Variants in PARD3B observed in about 807,000 individuals in gnomAD.
The protein encoded by PARD3B is par-3 family cell polarity regulator beta, also known as partitioning defective 3 homolog B.
Under a neutral mutation model 130.2 loss-of-function variants are expected in PARD3B, and 103 were observed. The ratio of observed to expected loss-of-function variants is 0.79; its 90% CI spans 0.67 to 0.93. The LOEUF (loss-of-function observed/expected upper bound fraction) is 0.93. Among genes scored for constraint, PARD3B ranks in the 40% least tolerant of loss-of-function variants. The pLI, the probability that PARD3B is intolerant of heterozygous loss-of-function variation, is 0.00. For synonymous variants in PARD3B, 583 were observed against 553.2 expected, an observed-to-expected ratio of 1.05 and a Z score of -0.76; for missense variants, 1,609 against 1,499.2, an observed-to-expected ratio of 1.07 and a Z score of -1.21.
intron 1 of PARD3B, among the ~76,000 whole-genome samples, chr2:204,614,908 T>C (rs1314375093): frequency 6.6e-6 from 1 of 152,172 alleles, no homozygotes; most frequent in African/African-American, 2.4e-5. Context: ...ACTCTTTCTT[T>C]ATAAATTATG....
Position 205,300,510 on chromosome 2 carries a change from T to C in PARD3B, c.2186-20T>C. ...CTGCCCCATTAGAAGAGGGGTGACC[T>C]TTTGCCCTTTCTTTTCCAGAATCTC... On this transcript the variant is annotated intron_variant, in intron 16 of 22. Coordinates refer to ENST00000406610, the MANE Select transcript of PARD3B (RefSeq NM_001302769.2). This position sits in a 1 kb window ranked among gnomAD's most constrained non-coding sequence, Gnocchi z 4.1. 1 of 1,595,292 alleles carries C rather than the reference T, an allele frequency of 6.3e-7. No individual in the cohort carries two copies. The highest frequency in any genetic ancestry group is 2.2e-5 in the East Asian group (1 of 44,768).
chr2:205,442,601 A>G (rs2047758835), intron 20 of PARD3B, among the ~76,000 whole-genome samples: 1 of 152,152 alleles, frequency 6.6e-6, no homozygotes, highest in African/African-American at 2.4e-5. Context: ...GGGCCTGGGA[A>G]GAACGGGTTT....
At chr2:205,246,816 T>C (rs2039592631) in intron 16 of PARD3B, among the ~76,000 whole-genome samples, 2 of 152,256 alleles carry the variant, frequency 1.3e-5, no homozygotes, top group South Asian at 2.1e-4. Context: ...GAAGGGCTGG[T>C]TCACAACTCT....
At chr2:205,383,083 C>CATAG (rs59376156) in intron 18 of PARD3B, among the ~76,000 whole-genome samples, 5,145 of 78,528 alleles carry the variant, frequency 0.066, 129 homozygotes, top group Middle Eastern at 0.088. Context: ...GGAAAGTTTA[C>CATAG]ATAGATAGAT....
intron 2 of PARD3B, among the ~76,000 whole-genome samples, chr2:204,703,909 A>C (rs1371330658): frequency 1.3e-5 from 2 of 152,180 alleles, no homozygotes; most frequent in East Asian, 3.8e-4. Context: ...GGCACCTTAA[A>C]AATTCAAGGA....
chr2:204,782,001 C>T (rs2041849387), intron 2 of PARD3B, among the ~76,000 whole-genome samples: 1 of 151,886 alleles, frequency 6.6e-6, no homozygotes, highest in South Asian at 2.1e-4. Context: ...AGTTTTCAAG[C>T]TAATAATGAT....
intron 18 of PARD3B, among the ~76,000 whole-genome samples, chr2:205,379,770 T>C (rs1476656704): frequency 6.6e-6 from 1 of 151,850 alleles, no homozygotes; most frequent in Admixed American, 6.6e-5. Context: ...ATACTTGTTC[T>C]TAAAAATATA....
chr2:204,581,700 A>T (rs967568057), intron 1 of PARD3B, among the ~76,000 whole-genome samples: 1 of 152,152 alleles, frequency 6.6e-6, no homozygotes. Flanking sequence ...ACTCCATGAA[A>T]TTGCTACCTG....
intron 3 of PARD3B, among the ~76,000 whole-genome samples, chr2:204,977,811 C>CAAAAAAAA (rs35974349): frequency 5.1e-5 from 3 of 59,018 alleles, no homozygotes; most frequent in African/African-American, 6.9e-5. Context: ...GACTCCGGCT[C>CAAAAAAAA]AAAAAAAAAA....
chr2:205,347,617 A>G (rs902795671), intron 18 of PARD3B, among the ~76,000 whole-genome samples: 2 of 152,254 alleles, frequency 1.3e-5, no homozygotes, highest in African/African-American at 4.8e-5. Flanking sequence ...CCCTTTGTAC[A>G]AACAGCATGA....
chr2:204,808,199 A>G (rs1034752344), intron 2 of PARD3B, among the ~76,000 whole-genome samples: 6 of 152,156 alleles, frequency 3.9e-5, no homozygotes, highest in East Asian at 3.9e-4. Flanking sequence ...TTGCATTTCT[A>G]TTCTTTTTTT....
rs948229929 is a variant in PARD3B, at chr2:204,675,870, A to G, written c.121-10311A>G. Among the ~76,000 whole-genome samples, 1 of 152,220 alleles carries G rather than the reference A, an allele frequency of 6.6e-6. No individual in the cohort carries two copies. The highest frequency in any genetic ancestry group is 6.5e-5 in the Admixed American group (1 of 15,282). On this transcript the variant is annotated intron_variant, in intron 1 of 22. Transcript: ENST00000406610. This position sits in a 1 kb window ranked among gnomAD's most constrained non-coding sequence, Gnocchi z 4.4. ...ATACTGTAGAAACAAATTCCCTGGA[A>G]TTGTTGGTGCTTTTATATTGCAATT...
intron 2 of PARD3B, among the ~76,000 whole-genome samples, chr2:204,918,874 AT>A (rs769028879): frequency 8.0e-4 from 112 of 140,416 alleles, no homozygotes; most frequent in Middle Eastern, 3.8e-3. Context: ...GTTTCTGGTG[AT>A]TTTTTTTTTT....
intron 3 of PARD3B, among the ~76,000 whole-genome samples, chr2:204,971,692 G>A (rs375626496): frequency 1.3e-5 from 2 of 151,672 alleles, no homozygotes; most frequent in Non-Finnish European, 2.9e-5. Context: ...TTGCTAGGGT[G>A]TCATCAATCA....
chr2:205,020,081 C>T lies in PARD3B; in HGVS notation c.395-27500C>T, dbSNP rs1510779. ...TTCACTCTTACTCCCCACCTATATCCCAACCCTACAGTCCACGGTCTTTTC... is the reference window on the plus strand; with the variant it reads ...TTCACTCTTACTCCCCACCTATATCTCAACCCTACAGTCCACGGTCTTTTC... On this transcript the variant is annotated intron_variant, in intron 3 of 22. Transcript: ENST00000406610. 8.4e-3 allele frequency among the ~76,000 whole-genome samples: 1,282 copies of T among 152,174 alleles called. 19 individuals are homozygous for T. Among genetic ancestry groups the T allele is most frequent in the African/African-American group, 0.029 (1,198 of 41,520 alleles).
At chr2:205,387,133 A>G (rs537041386) in intron 18 of PARD3B, among the ~76,000 whole-genome samples, 1 of 152,310 alleles carries the variant, frequency 6.6e-6, no homozygotes, top group East Asian at 1.9e-4. Context: ...TCTATATACT[A>G]TGTGATTGGT....
At chr2:205,203,904 A>G (rs573176296) in intron 15 of PARD3B, among the ~76,000 whole-genome samples, 2 of 152,312 alleles carry the variant, frequency 1.3e-5, no homozygotes, top group Non-Finnish European at 2.9e-5. Flanking sequence ...ATAGTGCCGC[A>G]ATAAACATAC....
At chr2:205,212,216 GC>G (rs1165006977) in intron 15 of PARD3B, among the ~76,000 whole-genome samples, 1 of 152,018 alleles carries the variant, frequency 6.6e-6, no homozygotes, top group Non-Finnish European at 1.5e-5. Flanking sequence ...TAACAGATTG[GC>G]GGTTTTAGTA....
At chr2:204,881,419 C>T (rs944108853) in intron 2 of PARD3B, among the ~76,000 whole-genome samples, 2 of 151,936 alleles carry the variant, frequency 1.3e-5, no homozygotes, top group Non-Finnish European at 2.9e-5. Context: ...GTATTTTATA[C>T]ATTATATGTT....
Sources: allele counts gnomAD v4.1 joint callset (sites outside exome capture counted in the v4.1 genomes callset), GRCh38; gene constraint gnomAD v4.1.1; non-coding constraint Gnocchi (gnomAD v3.1); transcripts MANE v1.5; gene names NCBI Gene and HGNC (gene_info 2026-07-23, HGNC 2026-07-21).